Variants in PRIMA1 observed in about 807,000 individuals in gnomAD.
The protein encoded by PRIMA1 is proline-rich membrane anchor 1.
A neutral mutation model predicts 17.5 loss-of-function variants in PRIMA1; 7 were observed. That is an observed-to-expected ratio of 0.40 (90% CI 0.23 to 0.75). The LOEUF (loss-of-function observed/expected upper bound fraction) is 0.75, where lower values mean the gene tolerates loss of function less well. Among genes scored for constraint, PRIMA1 ranks in the 30% least tolerant of loss-of-function variants. The probability of loss-of-function intolerance (pLI) is 0.37; values close to 1 mark genes in which losing one functional copy is unlikely to be tolerated. For synonymous variants in PRIMA1, 97 were observed against 77.9 expected (o/e 1.25, Z -1.29); for missense variants, 200 against 201.8 (o/e 0.99, Z 0.05).
intron 3 of PRIMA1, among the ~76,000 whole-genome samples, chr14:93,767,661 G>A (rs1428437550): frequency 1.3e-5 from 2 of 152,176 alleles, no homozygotes; most frequent in Admixed American, 6.5e-5. Context: ...CTTTTAGCCA[G>A]GATCACACTC....
intron 3 of PRIMA1, among the ~76,000 whole-genome samples, chr14:93,760,637 C>A (rs953829096): frequency 4.6e-5 from 7 of 152,160 alleles, no homozygotes; most frequent in African/African-American, 1.4e-4. Flanking sequence ...CTGGTGAGCT[C>A]CACCAGAGCA....
At chr14:93,730,924 C>T (rs1157960986) in intron 4 of PRIMA1, among the ~76,000 whole-genome samples, 3 of 152,148 alleles carry the variant, frequency 2.0e-5, no homozygotes, top group Non-Finnish European at 4.4e-5. Context: ...ATATTGGGAT[C>T]ATCCAGCTTG....
intron 2 of PRIMA1, among the ~76,000 whole-genome samples, chr14:93,785,379 C>G (rs1029978043): frequency 3.9e-5 from 6 of 152,166 alleles, no homozygotes; most frequent in Non-Finnish European, 7.3e-5. Flanking sequence ...TAGCAGCAGT[C>G]AGAGGCTTAA....
intron 3 of PRIMA1, among the ~76,000 whole-genome samples, chr14:93,775,811 G>A (rs1257071576): frequency 6.6e-6 from 1 of 152,210 alleles, no homozygotes. Context: ...TCTTATTTTT[G>A]GGTTTTAGCC....
intron 3 of PRIMA1, among the ~76,000 whole-genome samples, chr14:93,761,602 A>G (rs1276193936): frequency 2.0e-5 from 3 of 151,948 alleles, no homozygotes; most frequent in African/African-American, 7.3e-5. Flanking sequence ...CCTCCTTCCA[A>G]TATCAGCCAG....
chr14:93,777,772 A>G (rs1228262076), intron 3 of PRIMA1, among the ~76,000 whole-genome samples: 4 of 152,190 alleles, frequency 2.6e-5, no homozygotes, highest in Non-Finnish European at 4.4e-5. Context: ...TGCTGACAGG[A>G]TGGCCTTCCC....
chr14:93,767,194 T>C (rs1409331948), intron 3 of PRIMA1, among the ~76,000 whole-genome samples: 1 of 152,150 alleles, frequency 6.6e-6, no homozygotes, highest in African/African-American at 2.4e-5. Context: ...TCACAACAGC[T>C]ACATTTATTA....
chr14:93,728,195 A>G (rs1038413125), intron 4 of PRIMA1, among the ~76,000 whole-genome samples: 4 of 152,242 alleles, frequency 2.6e-5, no homozygotes, highest in Admixed American at 1.3e-4. Flanking sequence ...TTGAGTGCAC[A>G]CAACGGACTC....
At chr14:93,782,313 T>C (rs1885403602) in intron 2 of PRIMA1, among the ~76,000 whole-genome samples, 2 of 151,796 alleles carry the variant, frequency 1.3e-5, no homozygotes, top group Non-Finnish European at 2.9e-5. Context: ...CATACATAAA[T>C]ACATAAATAA....
intron 3 of PRIMA1, among the ~76,000 whole-genome samples, chr14:93,739,388 T>G (rs1449668411): frequency 6.6e-6 from 1 of 152,178 alleles, no homozygotes; most frequent in African/African-American, 2.4e-5. Flanking sequence ...GACCAACACC[T>G]AGGTTGTTTC....
Position 93,718,682 on chromosome 14 carries a change from T to C in PRIMA1, c.*2762A>G, listed in dbSNP as rs1183490246. ...ATCTCTTTAAATATATATAGCTATA[T>C]ATAATATATATGTTTATATGTTTAC... is the stretch of plus-strand genomic sequence containing the variant. On this transcript the variant is annotated 3_prime_UTR_variant, in exon 5 of 5. Transcript: ENST00000393140. The C allele has an allele frequency of 6.6e-6, 1 of 151,406 alleles. No homozygotes were observed. The highest frequency in any genetic ancestry group is 1.5e-5 in the Non-Finnish European group (1 of 67,978). 9.4% of individuals were successfully genotyped at this position (151,406 alleles called of 1,614,324 possible).
rs1185128243 is a variant in PRIMA1 at position 93,769,132 on chromosome 14, G to A, written c.229+10044C>T. ...ATACCTGCATTGTGCTTTGTACAGA[G>A]GGGAATGCAAGGCAGAGTCAGCCCA... On this transcript the variant is annotated intron_variant, in intron 3 of 4. Transcript: ENST00000393140. Among the ~76,000 whole-genome samples the A allele has an allele frequency of 2.0e-5, 3 of 152,216 alleles. No individual in the cohort carries two copies. In the East Asian group the frequency reaches 5.8e-4, roughly 29 times the overall value.
intron 3 of PRIMA1, among the ~76,000 whole-genome samples, chr14:93,746,116 G>A (rs2076216010): frequency 6.6e-6 from 1 of 152,082 alleles, no homozygotes; most frequent in African/African-American, 2.4e-5. Context: ...GGTCGCAGCC[G>A]GGCCTGGTTG....
chr14:93,746,752 G>A (rs867919120), intron 3 of PRIMA1, among the ~76,000 whole-genome samples: 7 of 152,250 alleles, frequency 4.6e-5, no homozygotes, highest in South Asian at 2.1e-4. Flanking sequence ...AGGGTTCTCC[G>A]CAGAGGCGGT....
intron 2 of PRIMA1, among the ~76,000 whole-genome samples, chr14:93,780,677 G>A (rs1388715345): frequency 6.6e-6 from 1 of 152,176 alleles, no homozygotes; most frequent in East Asian, 1.9e-4. Flanking sequence ...GCTGGGCCTG[G>A]GGATTTTGCT....
intron 3 of PRIMA1, among the ~76,000 whole-genome samples, chr14:93,757,084 C>A (rs1186365769): frequency 2.0e-5 from 3 of 152,148 alleles, no homozygotes; most frequent in Non-Finnish European, 4.4e-5. Context: ...CAAGTCTAAA[C>A]CCTTGTAGGG....
rs1369788263 is a variant in PRIMA1, at chr14:93,721,558, G to A, written c.360-12C>T. The A allele has an allele frequency of 5.7e-6, 9 of 1,587,600 alleles. No homozygotes were observed. Among genetic ancestry groups the A allele is most frequent in the Non-Finnish European group, 7.8e-6 (9 of 1,156,756 alleles). On this transcript the variant is annotated splice_polypyrimidine_tract_variant and intron_variant, in intron 4 of 4. Coordinates refer to ENST00000393140, the MANE Select transcript of PRIMA1 (RefSeq NM_178013.4). Reference sequence around the variant, plus strand: ...TTCTCAGTGGTTTCCTGGAAGTGGGGGGAGGGGACAGGAAAGGCAAAGGAG... The same window carrying A: ...TTCTCAGTGGTTTCCTGGAAGTGGGAGGAGGGGACAGGAAAGGCAAAGGAG...
At chr14:93,764,790 A>AT (rs1000167977) in intron 3 of PRIMA1, among the ~76,000 whole-genome samples, 1 of 152,172 alleles carries the variant, frequency 6.6e-6, no homozygotes, top group African/African-American at 2.4e-5. Context: ...CAGGTCACCC[A>AT]TGGCAGTCAC....
rs2076079862 is a variant in PRIMA1 at position 93,726,782 on chromosome 14, CA to C, written c.360-5237del. On this transcript the variant is annotated intron_variant, in intron 4 of 4. Transcript: ENST00000393140. This position sits in a 1 kb window ranked among gnomAD's most constrained non-coding sequence, Gnocchi z 4.2. ...AAATGTACAAATCCACACACACAAA[CA>C]ATATACACATACACACATGTACTTC... is the stretch of plus-strand genomic sequence containing the variant. 6.6e-6 allele frequency among the ~76,000 whole-genome samples: 1 copy of C among 151,964 alleles called. No individual in the cohort carries two copies. Among genetic ancestry groups the C allele is most frequent in the Non-Finnish European group, 1.5e-5 (1 of 67,970 alleles).
Sources: allele counts gnomAD v4.1 joint callset (sites outside exome capture counted in the v4.1 genomes callset), GRCh38; gene constraint gnomAD v4.1.1; non-coding constraint Gnocchi (gnomAD v3.1); transcripts MANE v1.5; gene names NCBI Gene and HGNC (gene_info 2026-07-23, HGNC 2026-07-21).